The following GLRA3 variants were observed in gnomAD, a reference collection of about 807,000 sequenced individuals.
GLRA3 encodes the protein glycine receptor subunit alpha-3.
GLRA3 carries 44 observed loss-of-function variants against 60.4 expected under a neutral mutation model. The ratio of observed to expected loss-of-function variants is 0.73; its 90% CI spans 0.57 to 0.94. The LOEUF (loss-of-function observed/expected upper bound fraction) is 0.94. GLRA3 is among the 40% of genes least tolerant of loss of function. GLRA3 has a pLI of 0.00. For synonymous variants in GLRA3, 223 were observed against 192.9 expected, an observed-to-expected ratio of 1.16 and a Z score of -1.29; for missense variants, 508 against 564.6, an observed-to-expected ratio of 0.90 and a Z score of 1.02.
chr4:174,682,232 T>C (rs577013378), intron 6 of GLRA3, among the ~76,000 whole-genome samples: 1 of 152,286 alleles, frequency 6.6e-6, no homozygotes, highest in South Asian at 2.1e-4. Context: ...CCATGTTAGT[T>C]AAAGCAACTG....
chr4:174,733,907 A>G (rs536761270), intron 3 of GLRA3, among the ~76,000 whole-genome samples: 1 of 152,278 alleles, frequency 6.6e-6, no homozygotes, highest in South Asian at 2.1e-4. Flanking sequence ...AACACCACTC[A>G]ATTTGTGGCA....
chr4:174,714,309 C>G (rs1735825995), intron 5 of GLRA3, among the ~76,000 whole-genome samples: 1 of 152,148 alleles, frequency 6.6e-6, no homozygotes, highest in South Asian at 2.1e-4. Context: ...ATCAGCCTGT[C>G]CTCAAATTGC....
Position 174,641,510 on chromosome 4 carries a change from C to G in GLRA3, c.*2276G>C, listed in dbSNP as rs1019556227. 2.0e-5 allele frequency: 3 copies of G among 151,882 alleles called. No homozygotes were observed. Among genetic ancestry groups the G allele is most frequent in the African/African-American group, 7.2e-5 (3 of 41,382 alleles). The allele number at this position is 151,882 out of a possible 1,614,324, so 9.4% of individuals were successfully genotyped here. A position where few individuals can be genotyped will look rare whatever the true frequency, so the allele number is the denominator to read the frequency against. On this transcript the variant is annotated 3_prime_UTR_variant, in exon 10 of 10. Transcript: ENST00000274093. ...TTTTCTTAGTGCAGTAAGACAGTGA[C>G]AAATATAATAGGAAAGGAAAACTAT...
At chr4:174,671,361 T>A (rs761454671) in intron 7 of GLRA3, among the ~76,000 whole-genome samples, 1 of 152,116 alleles carries the variant, frequency 6.6e-6, no homozygotes, top group African/African-American at 2.4e-5. Flanking sequence ...ACTAACACAA[T>A]GTACTCTCCT....
chr4:174,688,480 T>C (rs1734645955), intron 5 of GLRA3, among the ~76,000 whole-genome samples: 1 of 150,642 alleles, frequency 6.6e-6, no homozygotes, highest in Non-Finnish European at 1.5e-5. Context: ...TTTTAGTCAG[T>C]GGCATATTTT....
chr4:174,639,684 C>G lies in GLRA3; in HGVS notation c.*4102G>C, dbSNP rs1187159557. 2.0e-5 allele frequency: 3 copies of G among 151,894 alleles called. No homozygotes were observed. Among genetic ancestry groups the G allele is most frequent in the African/African-American group, 7.3e-5 (3 of 41,356 alleles). 9.4% of individuals were successfully genotyped at this position (151,894 alleles called of 1,614,324 possible). ...AAGTAATTGGAGTACCAGGTGTCTCCCTATGGAAGTTCACTTTTTAATATC... is the reference window on the plus strand; with the variant it reads ...AAGTAATTGGAGTACCAGGTGTCTCGCTATGGAAGTTCACTTTTTAATATC... On this transcript the variant is annotated 3_prime_UTR_variant, in exon 10 of 10. Coordinates refer to ENST00000274093, the MANE Select transcript of GLRA3 (RefSeq NM_006529.4).
At chr4:174,734,745 A>C (rs189368328) in intron 3 of GLRA3, among the ~76,000 whole-genome samples, 81 of 152,346 alleles carry the variant, frequency 5.3e-4, no homozygotes, top group Admixed American at 1.0e-3. Flanking sequence ...CGTAAATATA[A>C]GATTGAAAAT....
intron 1 of GLRA3, among the ~76,000 whole-genome samples, chr4:174,797,620 T>G (rs539953244): frequency 1.3e-5 from 2 of 152,124 alleles, no homozygotes; most frequent in South Asian, 4.2e-4. Context: ...CATCAAAATC[T>G]AACAATAATA....
intron 9 of GLRA3, among the ~76,000 whole-genome samples, chr4:174,646,911 G>C (rs1290385700): frequency 6.6e-6 from 1 of 152,192 alleles, no homozygotes; most frequent in Non-Finnish European, 1.5e-5. Flanking sequence ...AATGTTCCAG[G>C]AGGGAGTTCT....
intron 3 of GLRA3, among the ~76,000 whole-genome samples, chr4:174,731,944 A>C (rs1736563400): frequency 6.6e-6 from 1 of 152,260 alleles, no homozygotes. Context: ...TAAGATACTA[A>C]TGAGATACCA....
chr4:174,785,305 A>G (rs1336095572), intron 2 of GLRA3, among the ~76,000 whole-genome samples: 2 of 151,664 alleles, frequency 1.3e-5, no homozygotes, highest in African/African-American at 4.8e-5. Flanking sequence ...AGTCGTTTGT[A>G]TTTTTTAATA....
At chr4:174,692,326 G>GC (rs1734870083) in intron 5 of GLRA3, among the ~76,000 whole-genome samples, 3 of 146,720 alleles carry the variant, frequency 2.0e-5, no homozygotes. Context: ...GGGGGGGTCA[G>GC]CCCCCCGCTC....
At chr4:174,786,633 GA>G (rs1739140381) in intron 2 of GLRA3, among the ~76,000 whole-genome samples, 1 of 152,192 alleles carries the variant, frequency 6.6e-6, no homozygotes, top group African/African-American at 2.4e-5. Flanking sequence ...ACACGGTGTT[GA>G]ATATACTTAA....
intron 6 of GLRA3, among the ~76,000 whole-genome samples, chr4:174,678,192 CT>C (rs1459562369): frequency 6.6e-6 from 1 of 152,104 alleles, no homozygotes; most frequent in Non-Finnish European, 1.5e-5. Context: ...GCTTTTATGT[CT>C]CTATTATTTA....
chr4:174,784,481 C>CAA (rs149538062), intron 2 of GLRA3, among the ~76,000 whole-genome samples: 333 of 137,876 alleles, frequency 2.4e-3, no homozygotes, highest in Middle Eastern at 3.8e-3. Flanking sequence ...AAAAAAAATA[C>CAA]AAAAAAAAAA....
At chr4:174,727,311 C>T (rs1736366840) in intron 4 of GLRA3, among the ~76,000 whole-genome samples, 1 of 152,162 alleles carries the variant, frequency 6.6e-6, no homozygotes, top group Admixed American at 6.5e-5. Context: ...TGATATTGGG[C>T]ATATGAACTC....
chr4:174,790,843 AAAAGAAAG>A (rs1229056874), intron 1 of GLRA3, among the ~76,000 whole-genome samples: 3 of 148,068 alleles, frequency 2.0e-5, no homozygotes, highest in South Asian at 2.1e-4. Flanking sequence ...AAAAAAAAAA[AAAAGAAAG>A]AAATTAGCCG....
chr4:174,646,303 A>T (rs1290145945), intron 9 of GLRA3, among the ~76,000 whole-genome samples: 1 of 152,224 alleles, frequency 6.6e-6, no homozygotes, highest in Admixed American at 6.5e-5. Flanking sequence ...ATCTATTTAA[A>T]ATTAACATAT....
chr4:174,750,018 A>G (rs2111192652), intron 3 of GLRA3, among the ~76,000 whole-genome samples: 1 of 152,178 alleles, frequency 6.6e-6, no homozygotes, highest in African/African-American at 2.4e-5. Context: ...GGAGGGGTAT[A>G]CCTATTTTTC....
Sources: gnomAD v4.1 joint callset for allele counts (sites outside exome capture counted in the v4.1 genomes callset) on GRCh38, gnomAD v4.1.1 for gene constraint, MANE v1.5 for transcripts, NCBI Gene and HGNC (gene_info 2026-07-23, HGNC 2026-07-21) for gene names.